MAN1C1: variants seen among roughly 807,000 people sequenced by gnomAD.
MAN1C1 encodes mannosyl-oligosaccharide 1,2-alpha-mannosidase IC.
Under a neutral mutation model 71.5 loss-of-function variants are expected in MAN1C1, and 49 were observed. That is an observed-to-expected ratio of 0.69 (90% CI 0.54 to 0.87). MAN1C1 has a LOEUF of 0.87. Ranked by LOEUF, MAN1C1 falls within the 40% of genes least tolerant of loss-of-function variation. The pLI, the probability that MAN1C1 is intolerant of heterozygous loss-of-function variation, is 0.00. For missense variants in MAN1C1, 743 were observed against 835.0 expected (o/e 0.89, Z 1.36); for synonymous variants, 352 against 343.7 (o/e 1.02, Z -0.27).
At chr1:25,696,145 T>C (rs2046367060) in intron 2 of MAN1C1, among the ~76,000 whole-genome samples, 1 of 152,214 alleles carries the variant, frequency 6.6e-6, no homozygotes, top group Admixed American at 6.5e-5. Context: ...GCGAAGACCT[T>C]TCCTTCCTTA....
At chr1:25,658,477 G>T (rs954920162) in intron 1 of MAN1C1, among the ~76,000 whole-genome samples, 18 of 151,982 alleles carry the variant, frequency 1.2e-4, no homozygotes, top group African/African-American at 4.4e-4. Flanking sequence ...TTTAAACGCG[G>T]TCTGGCTCTC....
intron 1 of MAN1C1, among the ~76,000 whole-genome samples, chr1:25,632,016 G>T (rs566351669): frequency 6.6e-6 from 1 of 152,222 alleles, no homozygotes; most frequent in Middle Eastern, 3.4e-3. Context: ...GACCTCAAGC[G>T]ATCCGCCCAC....
intron 2 of MAN1C1, among the ~76,000 whole-genome samples, chr1:25,691,558 C>T (rs1176940765): frequency 6.6e-6 from 1 of 152,202 alleles, no homozygotes; most frequent in Non-Finnish European, 1.5e-5. Context: ...ATTCATCAAG[C>T]GTCAGCTGCG....
At chr1:25,688,794 G>A (rs112672864) in intron 2 of MAN1C1, among the ~76,000 whole-genome samples, 29 of 152,294 alleles carry the variant, frequency 1.9e-4, no homozygotes, top group African/African-American at 6.3e-4. Context: ...GAGTATGTAC[G>A]AACAAGCAAA....
rs138938891 is a variant in MAN1C1 at position 25,708,983 on chromosome 1, T to C, written c.637+22447T>C. Among the ~76,000 whole-genome samples the C allele has an allele frequency of 6.7e-3, 1,026 of 152,284 alleles. 14 individuals are homozygous for C. The highest frequency in any genetic ancestry group is 0.023 in the African/African-American group (969 of 41,540). ...TGGGGTCTTGGCACTTGCATTTTCC[T>C]GAGCCCAGCCCCAGGGACCGCAGGA... On this transcript the variant is annotated intron_variant, in intron 2 of 11. Transcript: ENST00000374332.
At chr1:25,765,334 T>A (rs1185029082) in intron 7 of MAN1C1, among the ~76,000 whole-genome samples, 5 of 152,062 alleles carry the variant, frequency 3.3e-5, no homozygotes, top group African/African-American at 4.8e-5. Context: ...GGTCACATGG[T>A]CATGGTCAGC....
rs953185898 is a variant in MAN1C1 at position 25,782,533 on chromosome 1, C to T, written c.1651-52C>T. On this transcript the variant is annotated intron_variant, in intron 10 of 11. Coordinates refer to ENST00000374332, the MANE Select transcript of MAN1C1 (RefSeq NM_020379.4). The surrounding 1 kb of genome is among the most constrained non-coding windows in gnomAD (Gnocchi z 4.4). ...CAGGCATGCACAAGTCTTGAGGGGC[C>T]TTTCCTGTCCCGTGTTAAGGCTGTT... 7.7e-7 allele frequency: 1 copy of T among 1,306,296 alleles called. No individual in the cohort carries two copies. Among genetic ancestry groups the T allele is most frequent in the Non-Finnish European group, 1.1e-6 (1 of 901,680 alleles). The allele number at this position is 1,306,296 out of a possible 1,614,324, so 80.9% of individuals were successfully genotyped here.
In MAN1C1 at chr1:25,634,041, T is replaced by C. The variant is rs964687771; in HGVS notation, c.540+15704T>C. 7.9e-5 allele frequency among the ~76,000 whole-genome samples: 12 copies of C among 152,200 alleles called. No homozygotes were observed. Among genetic ancestry groups the C allele is most frequent in the African/African-American group, 2.2e-4 (9 of 41,452 alleles). On this transcript the variant is annotated intron_variant, in intron 1 of 11. Transcript: ENST00000374332. The surrounding 1 kb of genome is among the most constrained non-coding windows in gnomAD (Gnocchi z 4.6). Reference sequence around the variant, plus strand: ...TTTCCAATTGTTTGTTGCCAGTACATAGAAATATAATAGGGTTTTTTCTGT... The same window carrying C: ...TTTCCAATTGTTTGTTGCCAGTACACAGAAATATAATAGGGTTTTTTCTGT...
chr1:25,743,272 G>A (rs2047085364), intron 2 of MAN1C1, among the ~76,000 whole-genome samples: 1 of 152,204 alleles, frequency 6.6e-6, no homozygotes, highest in Admixed American at 6.5e-5. Context: ...TGAACCCCAT[G>A]GCTTCAGAAC....
intron 2 of MAN1C1, among the ~76,000 whole-genome samples, chr1:25,690,702 T>C (rs2046296264): frequency 6.6e-6 from 1 of 152,214 alleles, no homozygotes; most frequent in Non-Finnish European, 1.5e-5. Context: ...GGGTGGAAAC[T>C]CTGGGTTACT....
chr1:25,707,547 T>C (rs1001060591), intron 2 of MAN1C1, among the ~76,000 whole-genome samples: 3 of 152,250 alleles, frequency 2.0e-5, no homozygotes, highest in African/African-American at 7.2e-5. Flanking sequence ...GCTTCTGTTC[T>C]GCTCTGAGCT....
At chr1:25,731,048 G>A (rs2046902218) in intron 2 of MAN1C1, among the ~76,000 whole-genome samples, 1 of 152,232 alleles carries the variant, frequency 6.6e-6, no homozygotes, top group African/African-American at 2.4e-5. Flanking sequence ...CAGGCCTGGT[G>A]GCTCATGCCT....
At chr1:25,623,812 C>T (rs1406437302) in intron 1 of MAN1C1, among the ~76,000 whole-genome samples, 6 of 152,108 alleles carry the variant, frequency 3.9e-5, no homozygotes, top group Non-Finnish European at 8.8e-5. Context: ...GCTCTCCCTG[C>T]GTTGCTTTCA....
At chr1:25,740,201 A>G (rs545604921) in intron 2 of MAN1C1, among the ~76,000 whole-genome samples, 1 of 152,238 alleles carries the variant, frequency 6.6e-6, no homozygotes, top group South Asian at 2.1e-4. Context: ...TCAGCAGAGT[A>G]GCCCGCAGCT....
rs2047247276 is a variant in MAN1C1 at position 25,753,643 on chromosome 1, C to G, written c.929+65C>G. Reference sequence around the variant, plus strand: ...ACCATGCCCACCATTTGTGTTTTGTCTGGGTGGTGCTGGTGAGGAGGCTCC... The same window carrying G: ...ACCATGCCCACCATTTGTGTTTTGTGTGGGTGGTGCTGGTGAGGAGGCTCC... On this transcript the variant is annotated intron_variant, in intron 5 of 11. Coordinates refer to ENST00000374332, the MANE Select transcript of MAN1C1 (RefSeq NM_020379.4). This position sits in a 1 kb window ranked among gnomAD's most constrained non-coding sequence, Gnocchi z 4.9. 1 of 1,464,350 alleles carries G rather than the reference C, an allele frequency of 6.8e-7. No homozygotes were observed. The highest frequency in any genetic ancestry group is 1.8e-5 in the Admixed American group (1 of 54,790). 90.7% of individuals were successfully genotyped at this position (1,464,350 alleles called of 1,614,324 possible).
intron 4 of MAN1C1, among the ~76,000 whole-genome samples, chr1:25,750,353 A>C (rs981385185): frequency 2.6e-5 from 4 of 152,064 alleles, no homozygotes; most frequent in African/African-American, 9.7e-5. Context: ...AGTCCCCAAA[A>C]CATCAGTCAT....
intron 2 of MAN1C1, among the ~76,000 whole-genome samples, chr1:25,745,639 G>C (rs912146269): frequency 6.6e-6 from 1 of 152,178 alleles, no homozygotes; most frequent in Non-Finnish European, 1.5e-5. Flanking sequence ...TTATATTTGA[G>C]CCATAGTTCA....
At chr1:25,742,621 G>A (rs1193522857) in intron 2 of MAN1C1, among the ~76,000 whole-genome samples, 1 of 152,190 alleles carries the variant, frequency 6.6e-6, no homozygotes. Context: ...GCCAGCCCTT[G>A]TCCATCAACC....
Position 25,782,709 on chromosome 1 carries a change from TG to T in MAN1C1, c.1766+10del, listed in dbSNP as rs1557807140. The T allele has an allele frequency of 6.2e-7, 1 of 1,602,600 alleles. No individual in the cohort carries two copies. On this transcript the variant is annotated intron_variant, in intron 11 of 11. Coordinates refer to ENST00000374332, the MANE Select transcript of MAN1C1 (RefSeq NM_020379.4). This position sits in a 1 kb window ranked among gnomAD's most constrained non-coding sequence, Gnocchi z 4.4. ...CTAGCGGAGACACTAAAGTGAGCAGTGTGGGCTCTTCCTAGGGATGGACAGG... is the reference window on the plus strand; with the variant it reads ...CTAGCGGAGACACTAAAGTGAGCAGTTGGGCTCTTCCTAGGGATGGACAGG...
Sources: allele counts gnomAD v4.1 joint callset (sites outside exome capture counted in the v4.1 genomes callset), GRCh38; gene constraint gnomAD v4.1.1; non-coding constraint Gnocchi (gnomAD v3.1); transcripts MANE v1.5; gene names NCBI Gene and HGNC (gene_info 2026-07-23, HGNC 2026-07-21).